The following MROH9 variants were observed in gnomAD, a reference collection of about 807,000 sequenced individuals.
The protein encoded by MROH9 is maestro heat-like repeat-containing protein family member 9.
MROH9 carries 92 observed loss-of-function variants against 98.2 expected under a neutral mutation model. The observed-to-expected ratio is 0.94, with a 90% CI of 0.79 to 1.11. The LOEUF is 1.11. Among genes scored for constraint, MROH9 ranks in the 50% most tolerant of loss-of-function variants. The pLI, the probability that MROH9 is intolerant of heterozygous loss-of-function variation, is 0.00. For missense variants in MROH9, 1,057 were observed against 1,014.8 expected, an observed-to-expected ratio of 1.04 and a Z score of -0.57; for synonymous variants, 397 against 368.9, an observed-to-expected ratio of 1.08 and a Z score of -0.87.
In MROH9 at chr1:171,052,427, T is replaced by C. The variant is rs141830566; in HGVS notation, c.2282-9705T>C. On this transcript the variant is annotated intron_variant, in intron 20 of 21. Coordinates refer to ENST00000367759, the MANE Select transcript of MROH9 (RefSeq NM_001163629.2). ...TGCCTGTGTGTGGAGTAGAGAAACCTCCACTACCCTAAGTTCTCTCCATGG... is the reference window on the plus strand; with the variant it reads ...TGCCTGTGTGTGGAGTAGAGAAACCCCCACTACCCTAAGTTCTCTCCATGG... Among the ~76,000 whole-genome samples, 631 of 152,212 alleles carry C rather than the reference T, an allele frequency of 4.1e-3. 3 individuals are homozygous for C. The highest frequency in any genetic ancestry group is 7.0e-3 in the Non-Finnish European group (476 of 68,010).
At chr1:170,943,793 A>G (rs1233939315) in intron 1 of MROH9, among the ~76,000 whole-genome samples, 1 of 152,048 alleles carries the variant, frequency 6.6e-6, no homozygotes, top group Admixed American at 6.6e-5. Context: ...AACAGTTTTA[A>G]TGTGAAAAAA....
Position 170,938,327 on chromosome 1 carries a change from A to G in MROH9, c.-38+2740A>G, listed in dbSNP as rs549020368. On this transcript the variant is annotated intron_variant, in intron 1 of 21. Transcript: ENST00000367759. Reference sequence around the variant, plus strand: ...TAGTGGGACACTAAGGATAATAGTGAGTGGTGCAACTCTATTTTCACCCCT... The same window carrying G: ...TAGTGGGACACTAAGGATAATAGTGGGTGGTGCAACTCTATTTTCACCCCT... 5.3e-5 allele frequency among the ~76,000 whole-genome samples: 8 copies of G among 152,324 alleles called. No homozygotes were observed. In the South Asian group the frequency reaches 1.4e-3, roughly 28 times the overall value.
At chr1:171,057,150 G>A (rs906608083) in intron 20 of MROH9, among the ~76,000 whole-genome samples, 10 of 152,238 alleles carry the variant, frequency 6.6e-5, no homozygotes, top group African/African-American at 2.4e-4. Context: ...TTCAGAAGAC[G>A]GGTAATAAAA....
intron 1 of MROH9, among the ~76,000 whole-genome samples, chr1:170,942,005 T>C (rs891176473): frequency 1.3e-5 from 2 of 152,200 alleles, no homozygotes; most frequent in Non-Finnish European, 2.9e-5. Context: ...TCCAACTCCC[T>C]GAGCTGCACC....
At chr1:171,031,974 TC>T (rs945028929) in intron 20 of MROH9, among the ~76,000 whole-genome samples, 2 of 152,200 alleles carry the variant, frequency 1.3e-5, no homozygotes, top group African/African-American at 4.8e-5. Context: ...CTTTCTTCAT[TC>T]CTTTTCATTC....
intron 17 of MROH9, among the ~76,000 whole-genome samples, chr1:171,020,212 T>C (rs1652473181): frequency 6.6e-6 from 1 of 152,212 alleles, no homozygotes; most frequent in Admixed American, 6.5e-5. Context: ...TCATTCCTTC[T>C]GAAACTATTC....
chr1:170,982,017 G>C (rs1037971807), intron 8 of MROH9, among the ~76,000 whole-genome samples: 3 of 152,046 alleles, frequency 2.0e-5, no homozygotes, highest in African/African-American at 7.2e-5. Context: ...AACAACTTTG[G>C]AAAGTAATTT....
intron 11 of MROH9, 40 bp from the exon 12 acceptor site, chr1:170,992,124 A>G (rs1036910603): frequency 9.7e-6 from 15 of 1,545,620 alleles, no homozygotes; most frequent in Non-Finnish European, 1.3e-5. Context: ...GGACATGACA[A>G]ACATGATTCT....
intron 1 of MROH9, among the ~76,000 whole-genome samples, chr1:170,943,980 C>A (rs1267696036): frequency 6.6e-6 from 1 of 151,914 alleles, no homozygotes; most frequent in Non-Finnish European, 1.5e-5. Flanking sequence ...AAATATTATA[C>A]ATCTTGAAAG....
At chr1:171,008,111 T>C (rs1652023661) in intron 15 of MROH9, among the ~76,000 whole-genome samples, 2 of 152,240 alleles carry the variant, frequency 1.3e-5, no homozygotes. Context: ...TGGATTTTCA[T>C]AGAAATGCTT....
intron 16 of MROH9, among the ~76,000 whole-genome samples, chr1:171,015,531 T>C (rs1014032431): frequency 6.6e-6 from 1 of 152,192 alleles, no homozygotes; most frequent in Non-Finnish European, 1.5e-5. Context: ...AGTCTTTTTC[T>C]CCTTGCCTTT....
intron 21 of MROH9, among the ~76,000 whole-genome samples, chr1:171,063,542 G>A (rs978779369): frequency 6.6e-6 from 1 of 152,044 alleles, no homozygotes; most frequent in Non-Finnish European, 1.5e-5. Flanking sequence ...ATGAGCCACC[G>A]TGCCTGGCCT....
intron 17 of MROH9, among the ~76,000 whole-genome samples, chr1:171,022,441 C>T (rs914490340): frequency 5.3e-5 from 8 of 152,148 alleles, no homozygotes; most frequent in Non-Finnish European, 8.8e-5. Flanking sequence ...AGATTATGTG[C>T]TTTGCAGGGA....
chr1:170,985,240 G>T (rs1350967275), intron 9 of MROH9, among the ~76,000 whole-genome samples: 8 of 152,148 alleles, frequency 5.3e-5, no homozygotes. Flanking sequence ...TGTGAGAAGA[G>T]CTTCTTCACA....
chr1:170,951,802 G>A (rs188244637), intron 3 of MROH9, among the ~76,000 whole-genome samples: 23 of 152,196 alleles, frequency 1.5e-4, no homozygotes, highest in Admixed American at 1.5e-3. Flanking sequence ...GCAAAACAAT[G>A]ACCATCTGAA....
chr1:171,033,374 C>T (rs55971342), intron 20 of MROH9, among the ~76,000 whole-genome samples: 2,505 of 152,358 alleles, frequency 0.016, 36 homozygotes, highest in Middle Eastern at 0.058. Flanking sequence ...TGAGGTGGGA[C>T]ACTAGGCCCC....
Position 170,970,731 on chromosome 1 carries a change from T to TGAGAGA in MROH9, c.481-984_481-979dup, listed in dbSNP as rs1199063303. On this transcript the variant is annotated intron_variant, in intron 7 of 21. Transcript: ENST00000367759. ...GTGTGTGTGTGTGTGTGTGTGTGTG[T>TGAGAGA]GAGAGAGAGAGAGAGAGAGAGAGAG... is the stretch of plus-strand genomic sequence containing the variant. 2.1e-3 allele frequency among the ~76,000 whole-genome samples: 192 copies of TGAGAGA among 90,828 alleles called. 2 individuals are homozygous for TGAGAGA. The highest frequency in any genetic ancestry group is 4.4e-3 in the African/African-American group (101 of 23,154). The allele number at this position is 90,828 out of a possible 152,430, so 59.6% of individuals were successfully genotyped here.
chr1:170,965,137 T>C lies in MROH9; in HGVS notation c.376-14T>C, dbSNP rs1351706259. 6.3e-7 allele frequency: 1 copy of C among 1,589,822 alleles called. No homozygotes were observed. Among genetic ancestry groups the C allele is most frequent in the African/African-American group, 1.3e-5 (1 of 74,502 alleles). On this transcript the variant is annotated splice_polypyrimidine_tract_variant and intron_variant, in intron 6 of 21. Transcript: ENST00000367759. ...AATTTCATGGTTCTAGGATGACTTTTATGTTTCCAACAGGAAATGCTCGTG... is the reference window on the plus strand; with the variant it reads ...AATTTCATGGTTCTAGGATGACTTTCATGTTTCCAACAGGAAATGCTCGTG...
chr1:170,974,689 T>C (rs1436453313), intron 8 of MROH9, among the ~76,000 whole-genome samples: 1 of 151,958 alleles, frequency 6.6e-6, no homozygotes, highest in East Asian at 1.9e-4. Context: ...AAAAGGAAAT[T>C]ATACCAGACG....
Sources: allele counts gnomAD v4.1 joint callset (sites outside exome capture counted in the v4.1 genomes callset), GRCh38; gene constraint gnomAD v4.1.1; transcripts MANE v1.5; gene names NCBI Gene and HGNC (gene_info 2026-07-23, HGNC 2026-07-21).